TPR: variants seen among roughly 807,000 people sequenced by gnomAD.
TPR encodes the protein nucleoprotein TPR.
A neutral mutation model predicts 316.1 loss-of-function variants in TPR; 51 were observed. The observed-to-expected ratio is 0.16, with a 90% CI of 0.13 to 0.20. The LOEUF is 0.20. TPR is among the 10% of genes least tolerant of loss of function. TPR has a pLI of 1.00. For missense variants in TPR, 2,272 were observed against 2,754.8 expected (o/e 0.82, Z 3.92); for synonymous variants, 981 against 914.7 (o/e 1.07, Z -1.31).
intron 2 of TPR, 129 bp from the exon 3 acceptor site, chr1:186,371,172 C>A: frequency 1.4e-6 from 1 of 690,370 alleles, no homozygotes; most frequent in Middle Eastern, 4.1e-4. Flanking sequence ...CTGCATTGTA[C>A]ATCACATTCC....
intron 21 of TPR, 33 bp from the exon 22 acceptor site, chr1:186,347,491 AT>A (rs769857097): frequency 1.2e-6 from 2 of 1,604,938 alleles, no homozygotes; most frequent in East Asian, 4.5e-5. Context: ...TAAAATTAAC[AT>A]TTTCAATAGT....
At chr1:186,336,454 T>A in intron 33 of TPR, 42 bp downstream of exon 33, 1 of 1,598,126 alleles carries the variant, frequency 6.3e-7, no homozygotes, top group Non-Finnish European at 8.6e-7. Flanking sequence ...CAACACATAA[T>A]CAACTTTCAC....
At position 186,367,036 on chromosome 1, in the gene TPR, TA is replaced by T. The variant is rs200613734; in HGVS notation, c.427+849del. Among the ~76,000 whole-genome samples the T allele has an allele frequency of 1.5e-3, 188 of 129,044 alleles. 2 individuals are homozygous for T. The highest frequency in any genetic ancestry group is 2.3e-3 in the Non-Finnish European group (137 of 59,852). The allele number at this position is 129,044 out of a possible 152,430, so 84.7% of individuals were successfully genotyped here. ...GAAATAAAAAAATTTCAAAAACCAT[TA>T]AAAAAAAAAGAACCCAAAACACCTT... On this transcript the variant is annotated intron_variant, in intron 4 of 50. Transcript: ENST00000367478.
chr1:186,357,735 T>C (rs3124812), intron 13 of TPR, 112 bp from the exon 14 acceptor site: 35,948 of 805,402 alleles, frequency 0.045, 964 homozygotes, highest in Non-Finnish European at 0.048. Flanking sequence ...CAACTTGTAC[T>C]GCCTCAAATT....
chr1:186,326,495 CA>C (rs1657936548), intron 40 of TPR, among the ~76,000 whole-genome samples: 1 of 151,974 alleles, frequency 6.6e-6, no homozygotes, highest in Non-Finnish European at 1.5e-5. Context: ...CAGGTGTCAG[CA>C]AAATATCAAG....
At chr1:186,355,292 C>A in intron 17 of TPR, 118 bp downstream of exon 17, 1 of 1,071,024 alleles carries the variant, frequency 9.3e-7, no homozygotes, top group Non-Finnish European at 1.4e-6. Flanking sequence ...GGTTCTCATT[C>A]TGGAACACAG....
intron 3 of TPR, among the ~76,000 whole-genome samples, chr1:186,368,440 A>C (rs999944508): frequency 2.0e-5 from 3 of 152,132 alleles, no homozygotes; most frequent in African/African-American, 7.2e-5. Flanking sequence ...AGCGAAACCC[A>C]GTCTCTACAA....
At chr1:186,330,969 C>T (rs913036166) in intron 39 of TPR, among the ~76,000 whole-genome samples, 4 of 152,106 alleles carry the variant, frequency 2.6e-5, no homozygotes, top group African/African-American at 9.7e-5. Context: ...AGTCACAAAG[C>T]TTCCTAGTGG....
intron 37 of TPR, among the ~76,000 whole-genome samples, chr1:186,332,544 G>A (rs1209872623): frequency 6.6e-6 from 1 of 152,020 alleles, no homozygotes; most frequent in East Asian, 1.9e-4. Context: ...TAAACAAAGA[G>A]CAACTTATGC....
At chr1:186,345,726 A>T (rs1055548083) in intron 23 of TPR, 30 bp from the exon 24 acceptor site, 1 of 1,467,874 alleles carries the variant, frequency 6.8e-7, no homozygotes, top group Admixed American at 1.7e-5. Context: ...TTAAAACCAA[A>T]ATTAATTGCA....
intron 20 of TPR, 128 bp from the exon 21 acceptor site, chr1:186,350,516 A>C: frequency 1.6e-6 from 1 of 643,966 alleles, no homozygotes; most frequent in Non-Finnish European, 2.4e-6. Context: ...GTCACACCTG[A>C]AACAGCCAAA....
rs144065683 is a variant in TPR, at chr1:186,319,336, C to A, written c.6569-508G>T. ...AAGACATCCTTTAAACTTTCTAATG[C>A]TACAGTACCCTTAAAACATTCGCTA... On this transcript the variant is annotated intron_variant, in intron 46 of 50. Coordinates refer to ENST00000367478, the MANE Select transcript of TPR (RefSeq NM_003292.3). Among the ~76,000 whole-genome samples, 413 of 152,224 alleles carry A rather than the reference C, an allele frequency of 2.7e-3. 6 individuals carry two copies. Among genetic ancestry groups the A allele is most frequent in the African/African-American group, 9.7e-3 (403 of 41,552 alleles).
chr1:186,351,387 T>C lies in TPR; in HGVS notation c.2553A>G (p.Leu851=). 1.2e-6 allele frequency: 2 copies of C among 1,612,700 alleles called. No individual in the cohort carries two copies. The highest frequency in any genetic ancestry group is 1.7e-6 in the Non-Finnish European group (2 of 1,179,388). The change falls in exon 20 of 51, where the codon CTA becomes CTG. Residue 851 remains leucine, a synonymous_variant. Transcript: ENST00000367478. ...CCACCTCATTTTCCAACTTCTTCTT[T>C]AGATGAGAGATCTCATGTTCCAGTT... ...IEKLEHEISH[L]KKKLENEVEQ...
intron 33 of TPR, among the ~76,000 whole-genome samples, chr1:186,336,019 T>C (rs758020368): frequency 4.6e-5 from 7 of 152,116 alleles, no homozygotes; most frequent in African/African-American, 7.2e-5. Context: ...AGCAGACTGA[T>C]AGGCAAGGCT....
In TPR at chr1:186,356,320, C is replaced by T. The variant is rs1031956096; in HGVS notation, c.1854G>A (p.Leu618=). 2 of 1,609,022 alleles carry T rather than the reference C, an allele frequency of 1.2e-6. No individual in the cohort carries two copies. Among genetic ancestry groups the T allele is most frequent in the African/African-American group, 2.7e-5 (2 of 74,932 alleles). Residue 618 remains leucine (L), a synonymous_variant, in exon 15 of 51, where the codon TTG becomes TTA. Transcript: ENST00000367478. ...GAATGGCAACTCCTGTTGTTTGTGA[C>T]AATAAAATACGGTACATATCACGCT... ...VRQRDMYRIL[L]SQTTGVAIPL...
At position 186,312,973 on chromosome 1, in the gene TPR, C is replaced by T; in HGVS notation, c.*998G>A. On this transcript the variant is annotated 3_prime_UTR_variant, in exon 51 of 51. Coordinates refer to ENST00000367478, the MANE Select transcript of TPR (RefSeq NM_003292.3). ...GAAGATAAAGTAAAAATGCTGGCTG[C>T]AATGATGACTGAATGTGAGAAGTTA... 2 of 1,417,996 alleles carry T rather than the reference C, an allele frequency of 1.4e-6. No individual in the cohort carries two copies. Among genetic ancestry groups the T allele is most frequent in the Admixed American group, 3.4e-5 (2 of 59,568 alleles). 87.8% of individuals were successfully genotyped at this position (1,417,996 alleles called of 1,614,324 possible).
Position 186,338,216 on chromosome 1 carries a change from C to T in TPR, c.4179G>A (p.Gln1393=). ...ARSNASLTNN[Q]NLIQSLKEDL... Reference sequence around the variant, plus strand: ...CTTCCTTCAGACTCTGAATTAAGTTCTGGTTGTTAGTCAAAGATGCATTTG... The same window carrying T: ...CTTCCTTCAGACTCTGAATTAAGTTTTGGTTGTTAGTCAAAGATGCATTTG... The change falls in exon 31 of 51, where the codon CAG becomes CAA. Residue 1393 remains glutamine, a synonymous_variant. Coordinates refer to ENST00000367478, the MANE Select transcript of TPR (RefSeq NM_003292.3). The T allele has an allele frequency of 1.2e-6, 2 of 1,609,640 alleles. No homozygotes were observed. The highest frequency in any genetic ancestry group is 8.5e-7 in the Non-Finnish European group (1 of 1,178,574).
chr1:186,362,137 C>G, intron 7 of TPR, 151 bp downstream of exon 7: 4 of 642,618 alleles, frequency 6.2e-6, no homozygotes, highest in Admixed American at 3.3e-5. Context: ...ATTTCTGATT[C>G]TATTTTAGCC....
At position 186,351,427 on chromosome 1, in the gene TPR, C is replaced by G; in HGVS notation, c.2513G>C (p.Ser838Thr). 2 of 1,611,530 alleles carry G rather than the reference C, an allele frequency of 1.2e-6. No individual in the cohort carries two copies. ...ATGTTCCAGTTTTTCTATCTGGCTA[C>G]TAAGCCTTTGTTTGGTTTCTGTTTC... ...RSETETKQRL[S>T]SQIEKLEHEI... The change falls in exon 20 of 51, where the codon AGT becomes ACT. Residue 838 changes from serine to threonine, a missense_variant. Physicochemically the swap from Ser to Thr is moderately conservative, Grantham distance 58 (BLOSUM62 1). Coordinates refer to ENST00000367478, the MANE Select transcript of TPR (RefSeq NM_003292.3).
Sources: allele counts gnomAD v4.1 joint callset (sites outside exome capture counted in the v4.1 genomes callset), GRCh38; gene constraint gnomAD v4.1.1; transcripts MANE v1.5; gene names NCBI Gene and HGNC (gene_info 2026-07-23, HGNC 2026-07-21).